The following POLR2K variants were observed in gnomAD, a reference collection of about 807,000 sequenced individuals.
The protein encoded by POLR2K is RNA polymerase II, I and III subunit K.
A neutral mutation model predicts 10.1 loss-of-function variants in POLR2K; 9 were observed. The observed-to-expected ratio is 0.89, with a 90% CI of 0.54 to 1.56. POLR2K has a LOEUF of 1.56. POLR2K is among the 40% of genes most tolerant of loss of function. The pLI is 0.00. For synonymous variants in POLR2K, 19 were observed against 20.3 expected (o/e 0.94, Z 0.17); for missense variants, 53 against 71.9 (o/e 0.74, Z 0.95).
In POLR2K at chr8:100,151,804, ATTTT is replaced by A. The variant is rs200886893; in HGVS notation, c.62-12_62-9del. ...TATTTTCCTCTTAGGCATTGAGTAA[ATTTT>A]TTTTTTTAATTCTAGAGTGTCACAC... On this transcript the variant is annotated splice_polypyrimidine_tract_variant and intron_variant, in intron 2 of 3. Transcript: ENST00000353107. 1 of 967,150 alleles carries A rather than the reference ATTTT, an allele frequency of 1.0e-6. No individual in the cohort carries two copies. The highest frequency in any genetic ancestry group is 3.1e-5 in the East Asian group (1 of 32,672). 59.9% of individuals were successfully genotyped at this position (967,150 alleles called of 1,614,324 possible).
Position 100,151,373 on chromosome 8 carries a change from C to A in POLR2K, c.18C>A (p.Asp6Glu). MDTQKDVQPPKQQPMI... is the reference protein window; with the variant it reads MDTQKEVQPPKQQPMI... The stretch of plus-strand genomic sequence containing the variant: ...GGCTAACAATGGACACCCAGAAGGA[C>A]GTTCAACCTCCAAAGCAGCAACCAA... Residue 6 changes from aspartate to glutamate, a missense_variant, in exon 2 of 4, where the codon GAC becomes GAA. Physicochemically the swap from Asp to Glu is conservative, Grantham distance 45 (BLOSUM62 2). Transcript: ENST00000353107. The A allele has an allele frequency of 6.2e-7, 1 of 1,609,790 alleles. No homozygotes were observed. The highest frequency in any genetic ancestry group is 8.5e-7 in the Non-Finnish European group (1 of 1,176,060).
chr8:100,152,201 T>TACAG (rs929543105), intron 3 of POLR2K: 2 of 541,102 alleles, frequency 3.7e-6, no homozygotes, highest in African/African-American at 3.9e-5. Context: ...TCATCATTCC[T>TACAG]ACAGAAACCT....
Position 100,153,414 on chromosome 8 carries a change from CCCCCTT to C in POLR2K, c.*99_*104del, listed in dbSNP as rs1814946109. 5.8e-6 allele frequency: 6 copies of C among 1,043,112 alleles called. No individual in the cohort carries two copies. The highest frequency in any genetic ancestry group is 1.6e-5 in the African/African-American group (1 of 62,952). The allele number at this position is 1,043,112 out of a possible 1,614,324, so 64.6% of individuals were successfully genotyped here. Reference sequence around the variant, plus strand: ...GCTTTCGATTTTGCTTACAGTAGTTCCCCCTTATCTTCGGGAGATACATTCCAAGGC... The same window carrying C: ...GCTTTCGATTTTGCTTACAGTAGTTCATCTTCGGGAGATACATTCCAAGGC... On this transcript the variant is annotated 3_prime_UTR_variant, in exon 4 of 4. Transcript: ENST00000353107.
rs1005292920 is a variant in POLR2K, at chr8:100,152,321, A to G, written c.154+405A>G. On this transcript the variant is annotated intron_variant, in intron 3 of 3. Transcript: ENST00000353107. ...ATTGTACTGAATAGACAATTGTAAC[A>G]CAATGTTTTTGTATATCTGAACATA... 13 of 215,610 alleles carry G rather than the reference A, an allele frequency of 6.0e-5. No homozygotes were observed. In the East Asian group the frequency reaches 1.2e-3, roughly 20 times the overall value. 13.4% of individuals were successfully genotyped at this position (215,610 alleles called of 1,614,324 possible).
In POLR2K at chr8:100,150,664, C is replaced by A. The variant is rs1295811736; in HGVS notation, c.-55C>A. On this transcript the variant is annotated 5_prime_UTR_variant, in exon 1 of 4. Transcript: ENST00000353107. ...AGTTGGTCTCGACACCTGGACTAGC[C>A]GGGTTGTATTTGGAAACGCGGAGTG... 1 of 152,324 alleles carries A rather than the reference C, an allele frequency of 6.6e-6. No individual in the cohort carries two copies. Among genetic ancestry groups the A allele is most frequent in the Non-Finnish European group, 1.5e-5 (1 of 68,176 alleles). 9.4% of individuals were successfully genotyped at this position (152,324 alleles called of 1,614,324 possible).
chr8:100,151,601 A>T, intron 2 of POLR2K, 185 bp downstream of exon 2: 3 of 602,704 alleles, frequency 5.0e-6, no homozygotes, highest in Non-Finnish European at 8.8e-6. Flanking sequence ...GTTTACTAAC[A>T]GAAAAAAACA....
intron 2 of POLR2K, 191 bp from the exon 3 acceptor site, chr8:100,151,633 T>A: frequency 1.7e-6 from 1 of 598,704 alleles, no homozygotes. Flanking sequence ...GATTTCATTC[T>A]CTCTCCTGGA....
chr8:100,153,291 C>A lies in POLR2K; in HGVS notation c.155-3C>A. 6.2e-7 allele frequency: 1 copy of A among 1,606,420 alleles called. No individual in the cohort carries two copies. Among genetic ancestry groups the A allele is most frequent in the South Asian group, 1.1e-5 (1 of 90,450 alleles). ...TTTTTGTCCTTAACTCAAATTAATA[C>A]AGTGGTCGTTTTTGATGCTCGATGA... On this transcript the variant is annotated splice_region_variant and splice_polypyrimidine_tract_variant and intron_variant, in intron 3 of 3. Coordinates refer to ENST00000353107, the MANE Select transcript of POLR2K (RefSeq NM_005034.4).
rs369031456 is a variant in POLR2K, at chr8:100,151,409, C to A, written c.54C>A (p.Ile18=). 1 of 1,593,752 alleles carries A rather than the reference C, an allele frequency of 6.3e-7. No individual in the cohort carries two copies. The highest frequency in any genetic ancestry group is 8.6e-7 in the Non-Finnish European group (1 of 1,161,388). The change falls in exon 2 of 4, where the codon ATC becomes ATA. Residue 18 remains isoleucine (I), a synonymous_variant. Transcript: ENST00000353107. ...CAAAGCAGCAACCAATGATATATAT[C>A]TGTGGAGGTAAGAGTAGCACTTACC... ...QPPKQQPMIY[I]CGECHTENEI...
chr8:100,151,801 T>G, intron 2 of POLR2K, 23 bp from the exon 3 acceptor site: 6 of 1,174,482 alleles, frequency 5.1e-6, no homozygotes, highest in Non-Finnish European at 6.2e-6. Context: ...AGGCATTGAG[T>G]AAATTTTTTT....
Sources: gnomAD v4.1 joint callset for allele counts on GRCh38, gnomAD v4.1.1 for gene constraint, MANE v1.5 for transcripts, NCBI Gene and HGNC (gene_info 2026-07-23, HGNC 2026-07-21) for gene names.